MCEE: variants seen among roughly 807,000 people sequenced by gnomAD.
MCEE encodes methylmalonyl-CoA epimerase, mitochondrial.
A neutral mutation model predicts 12.9 loss-of-function variants in MCEE; 6 were observed. The ratio of observed to expected loss-of-function variants is 0.47; its 90% CI spans 0.26 to 0.92. The LOEUF is 0.92. Ranked by LOEUF, MCEE falls within the 40% of genes least tolerant of loss-of-function variation. The pLI is 0.16. For synonymous variants in MCEE, 78 were observed against 77.9 expected, an observed-to-expected ratio of 1.00 and a Z score of -0.01; for missense variants, 214 against 212.1, an observed-to-expected ratio of 1.01 and a Z score of -0.05.
Position 71,110,068 on chromosome 2 carries a change from G to C in MCEE, c.433C>G (p.Leu145Val). ...MDLKKKKIRSLSEEVKIGAHG... is the reference protein window; with the variant it reads ...MDLKKKKIRSVSEEVKIGAHG... ...GCTCCTATTTTGACCTCTTCACTTA[G>C]ACTGCGGATCTTCTTTTTTTTCAAA... is the stretch of plus-strand genomic sequence containing the variant. Residue 145 changes from leucine (L) to valine (V), a missense_variant, in exon 3 of 3, where the codon CTA (leucine) becomes GTA (valine). Transcript: ENST00000244217. 6.2e-7 allele frequency: 1 copy of C among 1,613,448 alleles called. No homozygotes were observed. The highest frequency in any genetic ancestry group is 1.1e-5 in the South Asian group (1 of 91,050).
intron 1 of MCEE, among the ~76,000 whole-genome samples, chr2:71,129,001 G>A (rs1673303836): frequency 6.7e-6 from 1 of 149,566 alleles, no homozygotes; most frequent in South Asian, 2.1e-4. Context: ...AAAAAAAAAG[G>A]TAAATTTTAC....
At chr2:71,127,750 C>T (rs751759770) in intron 1 of MCEE, among the ~76,000 whole-genome samples, 2 of 152,200 alleles carry the variant, frequency 1.3e-5, no homozygotes, top group Non-Finnish European at 2.9e-5. Flanking sequence ...CCTCAGCCTC[C>T]GGAGTAGCCG....
rs1288018846 is a variant in MCEE at position 71,124,451 on chromosome 2, G to A, written c.133C>T (p.Leu45=). 3 of 1,614,004 alleles carry A rather than the reference G, an allele frequency of 1.9e-6. No individual in the cohort carries two copies. Among genetic ancestry groups the A allele is most frequent in the Admixed American group, 1.7e-5 (1 of 59,990 alleles). ...LDQVTGSVWN[L]GRLNHVAIAV... is the part of the protein sequence containing the mutation. ...ATGGCTACATGGTTGAGTCGACCCA[G>A]GTTCCACACAGAACCTGTCACTTGA... Residue 45 remains leucine, a synonymous_variant, in exon 2 of 3, where the codon CTG becomes TTG. Transcript: ENST00000244217.
At chr2:71,127,172 G>A (rs911379281) in intron 1 of MCEE, among the ~76,000 whole-genome samples, 1 of 152,242 alleles carries the variant, frequency 6.6e-6, no homozygotes, top group Non-Finnish European at 1.5e-5. Context: ...TCACATGTCA[G>A]GAAGCTGGTA....
intron 2 of MCEE, among the ~76,000 whole-genome samples, chr2:71,121,147 A>G (rs1384315627): frequency 1.3e-5 from 2 of 152,138 alleles, no homozygotes; most frequent in Non-Finnish European, 2.9e-5. Context: ...AGGGCACATA[A>G]CTGCCTAGCT....
In MCEE at chr2:71,110,360, T is replaced by C. The variant is rs1390678335; in HGVS notation, c.379-238A>G. Among the ~76,000 whole-genome samples, 6 of 152,218 alleles carry C rather than the reference T, an allele frequency of 3.9e-5. No homozygotes were observed. The East Asian group carries it at 9.6e-4, about 24-fold the overall frequency. On this transcript the variant is annotated intron_variant, in intron 2 of 2. Coordinates refer to ENST00000244217, the MANE Select transcript of MCEE (RefSeq NM_032601.4). Reference sequence around the variant, plus strand: ...TCAGAATTTTCACCATTAGTAAATGTTTCTTCTTATAATCTAAATCATGTA... The same window carrying C: ...TCAGAATTTTCACCATTAGTAAATGCTTCTTCTTATAATCTAAATCATGTA...
intron 1 of MCEE, among the ~76,000 whole-genome samples, chr2:71,125,026 C>T (rs1037439342): frequency 2.0e-5 from 3 of 150,788 alleles, no homozygotes; most frequent in Admixed American, 6.6e-5. Context: ...TTGCCCAGGC[C>T]GGAGTGCTGG....
chr2:71,125,737 C>G (rs749027336), intron 1 of MCEE, among the ~76,000 whole-genome samples: 3 of 152,186 alleles, frequency 2.0e-5, no homozygotes, highest in Non-Finnish European at 2.9e-5. Flanking sequence ...ATTTAGCAAA[C>G]AGTCATTGCA....
At chr2:71,115,366 AGAGT>A (rs1273453153) in intron 2 of MCEE, among the ~76,000 whole-genome samples, 1 of 152,238 alleles carries the variant, frequency 6.6e-6, no homozygotes, top group Non-Finnish European at 1.5e-5. Flanking sequence ...CCTGGGTAAC[AGAGT>A]GAGACCCTGT....
At chr2:71,130,150 T>A (rs756316349) in intron 1 of MCEE, 30 bp downstream of exon 1, 4 of 1,604,038 alleles carry the variant, frequency 2.5e-6, no homozygotes, top group African/African-American at 2.7e-5. Flanking sequence ...CCCTGTCCCA[T>A]GGCGAAGGTC....
At chr2:71,122,598 G>A (rs1673120913) in intron 2 of MCEE, among the ~76,000 whole-genome samples, 1 of 152,170 alleles carries the variant, frequency 6.6e-6, no homozygotes, top group Admixed American at 6.6e-5. Context: ...GACAGATTGG[G>A]CAGGGAAAAT....
At chr2:71,116,435 T>C (rs1194625263) in intron 2 of MCEE, among the ~76,000 whole-genome samples, 2 of 150,156 alleles carry the variant, frequency 1.3e-5, no homozygotes, top group South Asian at 2.1e-4. Context: ...TTCTTTTTTT[T>C]GGTATTTATC....
chr2:71,116,891 C>T (rs1673006964), intron 2 of MCEE: 1 of 150,452 alleles, frequency 6.6e-6, no homozygotes, highest in Non-Finnish European at 1.5e-5. Context: ...CTCAGCTTCC[C>T]CATCTGAAAA....
chr2:71,122,688 C>G (rs1673123349), intron 2 of MCEE, among the ~76,000 whole-genome samples: 1 of 152,174 alleles, frequency 6.6e-6, no homozygotes, highest in Non-Finnish European at 1.5e-5. Flanking sequence ...CCCCATGATT[C>G]AATTACCTCC....
At chr2:71,111,380 A>G (rs532682029) in intron 2 of MCEE, among the ~76,000 whole-genome samples, 30 of 151,982 alleles carry the variant, frequency 2.0e-4, no homozygotes, top group African/African-American at 6.5e-4. Flanking sequence ...TTATTTTTAA[A>G]TTCATATCAA....
chr2:71,110,962 A>G (rs984341915), intron 2 of MCEE: 2 of 152,192 alleles, frequency 1.3e-5, no homozygotes, highest in African/African-American at 2.4e-5. Flanking sequence ...AAAACACACA[A>G]AAGCACAGAG....
At chr2:71,122,584 G>A (rs557449092) in intron 2 of MCEE, among the ~76,000 whole-genome samples, 11 of 152,196 alleles carry the variant, frequency 7.2e-5, no homozygotes. Flanking sequence ...AGCAGGCAAA[G>A]AGAGACAGAT....
At chr2:71,125,072 T>C (rs1673187779) in intron 1 of MCEE, among the ~76,000 whole-genome samples, 1 of 150,518 alleles carries the variant, frequency 6.6e-6, no homozygotes. Flanking sequence ...CTGCAACCTC[T>C]GCCTCCTGGG....
chr2:71,113,330 C>A (rs181391373), intron 2 of MCEE, among the ~76,000 whole-genome samples: 12 of 152,118 alleles, frequency 7.9e-5, no homozygotes, highest in Admixed American at 3.9e-4. Flanking sequence ...TCCCTGTTGT[C>A]CTGGCTCAGT....
Sources: gnomAD v4.1 joint callset for allele counts (sites outside exome capture counted in the v4.1 genomes callset) on GRCh38, gnomAD v4.1.1 for gene constraint, MANE v1.5 for transcripts, NCBI Gene and HGNC (gene_info 2026-07-23, HGNC 2026-07-21) for gene names.